The following CDH23 variants were observed in gnomAD, a reference collection of about 807,000 sequenced individuals.
CDH23 encodes cadherin-23.
A neutral mutation model predicts 317.1 loss-of-function variants in CDH23; 189 were observed. That is an observed-to-expected ratio of 0.60 (90% CI 0.53 to 0.67). The LOEUF (loss-of-function observed/expected upper bound fraction) is 0.67, where lower values mean the gene tolerates loss of function less well. CDH23 is among the 30% of genes least tolerant of loss of function. The pLI is 0.00. For missense variants in CDH23, 4,401 were observed against 4,592.4 expected, an observed-to-expected ratio of 0.96 and a Z score of 1.20; for synonymous variants, 1,839 against 1,876.8, an observed-to-expected ratio of 0.98 and a Z score of 0.52.
intron 14 of CDH23, among the ~76,000 whole-genome samples, chr10:71,655,199 C>T (rs1863367475): frequency 6.6e-6 from 1 of 152,134 alleles, no homozygotes; most frequent in Admixed American, 6.6e-5. Context: ...AGACAGTGAT[C>T]CCTGCTGTCC....
intron 11 of CDH23, among the ~76,000 whole-genome samples, chr10:71,626,979 C>G (rs547294669): frequency 1.3e-5 from 2 of 152,218 alleles, no homozygotes; most frequent in Non-Finnish European, 2.9e-5. Context: ...TCGCCCCATG[C>G]CGGAAGCCAG....
At chr10:71,581,461 A>T (rs1160137114) in intron 9 of CDH23, among the ~76,000 whole-genome samples, 1 of 152,132 alleles carries the variant, frequency 6.6e-6, no homozygotes, top group East Asian at 1.9e-4. Context: ...GCCCACAGTT[A>T]ACTTGCCCAG....
intron 11 of CDH23, among the ~76,000 whole-genome samples, chr10:71,634,960 A>G (rs1295172637): frequency 6.6e-6 from 1 of 152,206 alleles, no homozygotes. Flanking sequence ...TCTAGTCCCT[A>G]GAGGTCCAGG....
chr10:71,471,013 C>T (rs1851479300), intron 3 of CDH23, among the ~76,000 whole-genome samples: 2 of 152,140 alleles, frequency 1.3e-5, no homozygotes, highest in Non-Finnish European at 2.9e-5. Context: ...TCCTTATATA[C>T]AGATAAAGGA....
At position 71,732,682 on chromosome 10, in the gene CDH23, T is replaced by C. The variant is rs1406995940; in HGVS notation, c.4104+307T>C. On this transcript the variant is annotated intron_variant, in intron 32 of 69. Coordinates refer to ENST00000224721, the MANE Select transcript of CDH23 (RefSeq NM_022124.6). The stretch of plus-strand genomic sequence containing the variant: ...CCGAGATCAATATCCCTGTAACACA[T>C]CCATTTTCATATGTAGGAGTAAGAT... 9.7e-6 allele frequency: 13 copies of C among 1,336,346 alleles called. No homozygotes were observed. In the Admixed American group the frequency reaches 2.0e-4, roughly 21 times the overall value. 82.8% of individuals were successfully genotyped at this position (1,336,346 alleles called of 1,614,324 possible).
At chr10:71,515,394 T>TCTCTCTCACA (rs1491490493) in intron 6 of CDH23, among the ~76,000 whole-genome samples, 3 of 26,700 alleles carry the variant, frequency 1.1e-4, no homozygotes, top group African/African-American at 2.5e-4. Context: ...TCTCTCTCTC[T>TCTCTCTCACA]CACACACACA....
Position 71,797,359 on chromosome 10 carries a change from A to G in CDH23, c.6829+139A>G, listed in dbSNP as rs1044083838. 10 of 629,974 alleles carry G rather than the reference A, an allele frequency of 1.6e-5. No individual in the cohort carries two copies. In the African/African-American group the frequency reaches 1.8e-4, roughly 11 times the overall value. 39.0% of individuals were successfully genotyped at this position (629,974 alleles called of 1,614,324 possible). A position where few individuals can be genotyped will look rare whatever the true frequency, so the allele number is the denominator to read the frequency against. ...CTCTGGGGGCCAGGAGTCAGGCAACACAAGAGGCATGAAAGGTGGCAGCCA... is the reference window on the plus strand; with the variant it reads ...CTCTGGGGGCCAGGAGTCAGGCAACGCAAGAGGCATGAAAGGTGGCAGCCA... On this transcript the variant is annotated intron_variant, in intron 49 of 69. Transcript: ENST00000224721.
intron 44 of CDH23, among the ~76,000 whole-genome samples, 189 bp from the exon 45 acceptor site, chr10:71,788,751 G>A (rs759349881): frequency 2.0e-5 from 3 of 152,144 alleles, no homozygotes; most frequent in Non-Finnish European, 4.4e-5. Context: ...CACTGCACCC[G>A]GCCACATTTT....
rs756534022 is a variant in CDH23 at position 71,732,216 on chromosome 10, T to C, written c.3945T>C (p.Asn1315=). 3.1e-6 allele frequency: 5 copies of C among 1,613,798 alleles called. No individual in the cohort carries two copies. Among genetic ancestry groups the C allele is most frequent in the African/African-American group, 1.3e-5 (1 of 75,048 alleles). The part of the protein sequence containing the change: ...NELDEAVQFS[N]ASYEAAILEN... ...TGGACGAGGCCGTGCAGTTCTCCAA[T>C]GCCTCATACGAGGCTGCCATCCTGG... Residue 1315 remains asparagine, a synonymous_variant, in exon 32 of 70, where the codon AAT becomes AAC. Coordinates refer to ENST00000224721, the MANE Select transcript of CDH23 (RefSeq NM_022124.6).
intron 3 of CDH23, among the ~76,000 whole-genome samples, chr10:71,450,262 CTTTTT>C (rs71018209): frequency 4.9e-5 from 5 of 102,394 alleles, no homozygotes; most frequent in South Asian, 3.4e-4. Flanking sequence ...CCTGAATCTA[CTTTTT>C]TTTTTTTTTT....
Position 71,397,133 on chromosome 10 carries a change from C to T in CDH23, c.-191C>T. The stretch of plus-strand genomic sequence containing the variant: ...CCGGCGCGCCTGAAGTTGCGAGCGG[C>T]GAGCGGCGAGCGGCGAGCGGCCCGC... On this transcript the variant is annotated 5_prime_UTR_variant, in exon 1 of 70. Transcript: ENST00000224721. The surrounding 1 kb of genome is among the most constrained non-coding windows in gnomAD (Gnocchi z 4.8). The T allele has an allele frequency of 5.6e-6, 1 of 178,054 alleles. No individual in the cohort carries two copies. Among genetic ancestry groups the T allele is most frequent in the Non-Finnish European group, 1.2e-5 (1 of 86,522 alleles). 11.0% of individuals were successfully genotyped at this position (178,054 alleles called of 1,614,324 possible). A position where few individuals can be genotyped will look rare whatever the true frequency, so the allele number is the denominator to read the frequency against.
chr10:71,461,491 G>A (rs968166763), intron 3 of CDH23, among the ~76,000 whole-genome samples: 1 of 152,236 alleles, frequency 6.6e-6, no homozygotes, highest in Non-Finnish European at 1.5e-5. Context: ...GGGACAGCAG[G>A]GGCCTCCCCA....
chr10:71,763,417 C>T (rs1316957715), intron 38 of CDH23, among the ~76,000 whole-genome samples: 1 of 152,208 alleles, frequency 6.6e-6, no homozygotes, highest in Non-Finnish European at 1.5e-5. Context: ...TTTTCATTGC[C>T]CCAGCCAGGG....
At chr10:71,785,207 C>G (rs374809846) in intron 43 of CDH23, 107 bp downstream of exon 43, 4 of 861,516 alleles carry the variant, frequency 4.6e-6, no homozygotes, top group Non-Finnish European at 5.4e-6. Flanking sequence ...ACCGGGCTCC[C>G]GTTCCTGCAC....
At chr10:71,474,484 G>A (rs10999837) in intron 3 of CDH23, among the ~76,000 whole-genome samples, 10,044 of 152,250 alleles carry the variant, frequency 0.066, 769 homozygotes, top group African/African-American at 0.18. Context: ...AGCAAACAGC[G>A]TTTGCCATGT....
intron 3 of CDH23, among the ~76,000 whole-genome samples, chr10:71,449,201 C>G (rs1850314095): frequency 6.6e-6 from 1 of 152,212 alleles, no homozygotes; most frequent in Non-Finnish European, 1.5e-5. Context: ...GGTGGACAAA[C>G]ACACAGATAA....
At chr10:71,589,193 C>T (rs1859290415) in intron 9 of CDH23, among the ~76,000 whole-genome samples, 1 of 152,122 alleles carries the variant, frequency 6.6e-6, no homozygotes, top group Non-Finnish European at 1.5e-5. Context: ...GATCTTGGCT[C>T]ACTGCAACCT....
chr10:71,579,654 G>A (rs1465617726), intron 9 of CDH23, among the ~76,000 whole-genome samples: 1 of 152,164 alleles, frequency 6.6e-6, no homozygotes. Context: ...TTCAGACGGG[G>A]ATGTGAGGAA....
In CDH23 at chr10:71,504,606, G is replaced by A. The variant is rs185161413; in HGVS notation, c.146-5476G>A. 7.1e-3 allele frequency among the ~76,000 whole-genome samples: 1,075 copies of A among 152,272 alleles called. 19 individuals carry two copies. Among genetic ancestry groups the A allele is most frequent in the Middle Eastern group, 0.031 (9 of 294 alleles). ...ATGGTTTGGGTGGCACAGAGTGGAG[G>A]GGCTGGCCTAGCTGGATGCCCCTTC... is the stretch of plus-strand genomic sequence containing the variant. On this transcript the variant is annotated intron_variant, in intron 3 of 69. Transcript: ENST00000224721.
Sources: gnomAD v4.1 joint callset for allele counts (sites outside exome capture counted in the v4.1 genomes callset) on GRCh38, gnomAD v4.1.1 for gene constraint, Gnocchi (gnomAD v3.1) non-coding constraint, MANE v1.5 for transcripts, NCBI Gene and HGNC (gene_info 2026-07-23, HGNC 2026-07-21) for gene names.